FRMD4B: variants seen among roughly 807,000 people sequenced by gnomAD.
The protein encoded by FRMD4B is FERM domain containing 4B.
Under a neutral mutation model 141.5 loss-of-function variants are expected in FRMD4B, and 74 were observed. The ratio of observed to expected loss-of-function variants is 0.52; its 90% CI spans 0.43 to 0.63. FRMD4B has a LOEUF of 0.63. Ranked by LOEUF, FRMD4B falls within the 30% of genes least tolerant of loss-of-function variation. FRMD4B has a pLI of 0.00. For missense variants in FRMD4B, 1,366 were observed against 1,253.4 expected (o/e 1.09, Z -1.36); for synonymous variants, 506 against 467.9 (o/e 1.08, Z -1.05).
intron 1 of FRMD4B, among the ~76,000 whole-genome samples, chr3:69,506,553 T>C (rs894849732): frequency 3.3e-5 from 5 of 152,186 alleles, no homozygotes; most frequent in African/African-American, 1.2e-4. Context: ...TTTTTCTTTT[T>C]GAGACAGGAT....
At chr3:69,265,259 A>C (rs1252680348) in intron 5 of FRMD4B, among the ~76,000 whole-genome samples, 13 of 21,176 alleles carry the variant, frequency 6.1e-4, no homozygotes, top group African/African-American at 1.7e-3. Context: ...CATCTCAAAA[A>C]AAAAAAAAAA....
chr3:69,267,636 TAGAGAGAG>T (rs55659743), intron 5 of FRMD4B, among the ~76,000 whole-genome samples: 38 of 32,928 alleles, frequency 1.2e-3, no homozygotes, highest in African/African-American at 4.7e-3. Context: ...TATATATATA[TAGAGAGAG>T]AGAGAGAGAG....
rs377168666 is a variant in FRMD4B, at chr3:69,450,718, C to T, written c.-128-17957G>A. On this transcript the variant is annotated intron_variant, in intron 1 of 5. Coordinates refer to the FRMD4B transcript ENST00000459638. ...GCAGTGAGCCAAGATTGTGCCATTG[C>T]ACTCCAGCTTGGGCGACAAGAGTGA... Among the ~76,000 whole-genome samples the T allele has an allele frequency of 4.6e-4, 70 of 151,576 alleles. No homozygotes were observed. In the South Asian group the frequency reaches 0.013, roughly 28 times the overall value.
intron 22 of FRMD4B, among the ~76,000 whole-genome samples, 181 bp from the exon 23 acceptor site, chr3:69,172,162 T>C (rs557866966): frequency 1.3e-5 from 2 of 152,330 alleles, no homozygotes; most frequent in Admixed American, 1.3e-4. Flanking sequence ...TGGAGCATTG[T>C]TTAACAGGCC....
chr3:69,219,162 C>CA lies in FRMD4B; in HGVS notation c.732-784dup, dbSNP rs34697144. Among the ~76,000 whole-genome samples, 858 of 130,866 alleles carry CA rather than the reference C, an allele frequency of 6.6e-3. 19 individuals carry two copies. Among genetic ancestry groups the CA allele is most frequent in the African/African-American group, 0.014 (470 of 34,718 alleles). 85.9% of individuals were successfully genotyped at this position (130,866 alleles called of 152,430 possible). On this transcript the variant is annotated intron_variant, in intron 9 of 22. Coordinates refer to ENST00000398540, the MANE Select transcript of FRMD4B (RefSeq NM_015123.3). ...CCTGGGTGACAGAGTGAGAATCTGT[C>CA]AAAAAAAAAAAAAAAGTCCCCCCAA...
intron 1 of FRMD4B, among the ~76,000 whole-genome samples, chr3:69,522,000 C>A (rs1007992861): frequency 3.3e-5 from 5 of 152,164 alleles, no homozygotes; most frequent in African/African-American, 4.8e-5. Flanking sequence ...AATGAATGCA[C>A]CCTTTAGCAA....
rs142099541 is a variant in FRMD4B, at chr3:69,441,644, C to T, written c.-128-8883G>A. Among the ~76,000 whole-genome samples the T allele has an allele frequency of 3.4e-3, 519 of 152,260 alleles. 4 individuals carry two copies. The highest frequency in any genetic ancestry group is 0.012 in the African/African-American group (486 of 41,536). On this transcript the variant is annotated intron_variant, in intron 1 of 5. Transcript: ENST00000459638. ...CTTGCTGCCTTGTTCTTTTCTGTGT[C>T]CCCAGAACCTACAGCAATTCCTGGC...
At chr3:69,472,952 T>TTTTG (rs1705921725) in intron 1 of FRMD4B, among the ~76,000 whole-genome samples, 1 of 148,318 alleles carries the variant, frequency 6.7e-6, no homozygotes, top group African/African-American at 2.6e-5. Context: ...TTTTTTTTTT[T>TTTTG]TGGCTTAGGG....
At chr3:69,252,373 G>C (rs1575659601) in intron 5 of FRMD4B, among the ~76,000 whole-genome samples, 1 of 152,194 alleles carries the variant, frequency 6.6e-6, no homozygotes, top group Non-Finnish European at 1.5e-5. Context: ...CCCCAATACA[G>C]TTCTGGTGGA....
At chr3:69,241,390 T>C (rs1055293136) in intron 7 of FRMD4B, among the ~76,000 whole-genome samples, 1 of 152,162 alleles carries the variant, frequency 6.6e-6, no homozygotes. Flanking sequence ...ATTGAAAACT[T>C]AGCCAAGAGA....
intron 5 of FRMD4B, among the ~76,000 whole-genome samples, chr3:69,279,654 ATCCTCCTCCTCCTTCTCC>A (rs1362361496): frequency 7.4e-6 from 1 of 134,914 alleles, no homozygotes; most frequent in African/African-American, 2.7e-5. Context: ...TTGAGTTGCT[ATCCTCCTCCTCCTTCTCC>A]TCCTCCTCCT....
chr3:69,374,730 A>G (rs2106647050), intron 1 of FRMD4B, among the ~76,000 whole-genome samples: 1 of 152,336 alleles, frequency 6.6e-6, no homozygotes, highest in East Asian at 1.9e-4. Flanking sequence ...CAGTAGCATT[A>G]AGAGGCTAGT....
chr3:69,386,678 C>T (rs931565967), upstream of FRMD4B, among the ~76,000 whole-genome samples: 23 of 152,200 alleles, frequency 1.5e-4, no homozygotes, highest in African/African-American at 5.1e-4. Context: ...GCAACAGTCT[C>T]AAAGCAACAG....
intron 2 of FRMD4B, among the ~76,000 whole-genome samples, chr3:69,407,689 A>G (rs1365679880): frequency 6.6e-6 from 1 of 152,230 alleles, no homozygotes; most frequent in Non-Finnish European, 1.5e-5. Flanking sequence ...GTTGATTGGT[A>G]GTGGCTGCCT....
At chr3:69,323,276 G>A (rs1395697259) in intron 1 of FRMD4B, among the ~76,000 whole-genome samples, 1 of 151,910 alleles carries the variant, frequency 6.6e-6, no homozygotes, top group Non-Finnish European at 1.5e-5. Context: ...TATACAAAGG[G>A]CCTTTTATGG....
chr3:69,321,593 T>C (rs1267840079), intron 1 of FRMD4B, among the ~76,000 whole-genome samples: 2 of 152,176 alleles, frequency 1.3e-5, no homozygotes, highest in South Asian at 2.1e-4. Flanking sequence ...CACCACTGTC[T>C]CCGCAGGGCC....
chr3:69,265,300 A>C (rs2093555439), intron 5 of FRMD4B, among the ~76,000 whole-genome samples: 1 of 121,140 alleles, frequency 8.3e-6, no homozygotes, highest in Non-Finnish European at 1.7e-5. Flanking sequence ...ATATATATAT[A>C]TATATATATA....
At chr3:69,426,321 C>CGTGTGTGTGT (rs55653336) in intron 2 of FRMD4B, among the ~76,000 whole-genome samples, 1 of 149,720 alleles carries the variant, frequency 6.7e-6, no homozygotes, top group Non-Finnish European at 1.5e-5. Flanking sequence ...CTTTTAAAAG[C>CGTGTGTGTGT]GTGTGTGTGT....
chr3:69,184,655 G>C (rs2092745749), intron 19 of FRMD4B, among the ~76,000 whole-genome samples: 1 of 152,194 alleles, frequency 6.6e-6, no homozygotes, highest in African/African-American at 2.4e-5. Flanking sequence ...TAATTTTTAA[G>C]ACAATGATTC....
Sources: gnomAD v4.1 joint callset for allele counts (sites outside exome capture counted in the v4.1 genomes callset) on GRCh38, gnomAD v4.1.1 for gene constraint, MANE v1.5 for transcripts, NCBI Gene and HGNC (gene_info 2026-07-23, HGNC 2026-07-21) for gene names.